Variants in LRRK1 observed in about 807,000 individuals in gnomAD.
The protein encoded by LRRK1 is leucine-rich repeat serine/threonine-protein kinase 1.
A neutral mutation model predicts 209.1 loss-of-function variants in LRRK1; 113 were observed. The observed-to-expected ratio is 0.54, with a 90% CI of 0.46 to 0.63. The LOEUF (loss-of-function observed/expected upper bound fraction) is 0.63, where lower values mean the gene tolerates loss of function less well. Among genes scored for constraint, LRRK1 ranks in the 30% least tolerant of loss-of-function variants. LRRK1 has a pLI of 0.00. For missense variants in LRRK1, 2,284 were observed against 2,632.2 expected, an observed-to-expected ratio of 0.87 and a Z score of 2.89; for synonymous variants, 1,144 against 1,099.7, an observed-to-expected ratio of 1.04 and a Z score of -0.80.
At chr15:100,954,728 G>A (rs776282721) in intron 2 of LRRK1, among the ~76,000 whole-genome samples, 4 of 151,956 alleles carry the variant, frequency 2.6e-5, no homozygotes, top group African/African-American at 4.8e-5. Flanking sequence ...AGTTTTTTTC[G>A]ACACTATTTA....
chr15:101,013,633 AAAG>A (rs2033389058), intron 10 of LRRK1, among the ~76,000 whole-genome samples: 1 of 152,160 alleles, frequency 6.6e-6, no homozygotes, highest in Non-Finnish European at 1.5e-5. Context: ...AAATAAATAA[AAAG>A]AATAACAAAA....
chr15:101,011,687 G>A (rs945313773), intron 9 of LRRK1, among the ~76,000 whole-genome samples: 3 of 152,124 alleles, frequency 2.0e-5, no homozygotes, highest in Non-Finnish European at 4.4e-5. Context: ...GGCCATTCGT[G>A]TAGGGGAAAC....
intron 2 of LRRK1, among the ~76,000 whole-genome samples, chr15:100,972,155 G>T (rs1371701763): frequency 6.6e-6 from 1 of 151,668 alleles, no homozygotes; most frequent in Non-Finnish European, 1.5e-5. Context: ...TAGAGACGGG[G>T]TTTCACCATG....
intron 7 of LRRK1, 67 bp from the exon 8 acceptor site, chr15:101,010,383 A>G (rs2033173334): frequency 1.3e-6 from 2 of 1,548,800 alleles, no homozygotes; most frequent in Non-Finnish European, 8.7e-7. Context: ...TGGTTTATAG[A>G]AAAATATGTA....
chr15:100,989,391 G>A lies in LRRK1; in HGVS notation c.755G>A (p.Gly252Glu). The change falls in exon 6 of 34, where the codon GGA (glycine) becomes GAA (glutamate). Residue 252 changes from glycine (G) to glutamate (E), a missense_variant. Transcript: ENST00000388948. ...EASPLPSSYPGKTALRVKWSH... is the reference protein window; with the variant it reads ...EASPLPSSYPEKTALRVKWSH... ...AGTCCCTTGCCCAGCAGTTATCCGG[G>A]AAAAACAGTGAGTAGTCACTGCCTG... 1 of 1,614,082 alleles carries A rather than the reference G, an allele frequency of 6.2e-7. No homozygotes were observed. The highest frequency in any genetic ancestry group is 8.5e-7 in the Non-Finnish European group (1 of 1,180,024).
chr15:101,015,322 C>A lies in LRRK1; in HGVS notation c.1533-4C>A, dbSNP rs374435312. 1.9e-6 allele frequency: 3 copies of A among 1,613,010 alleles called. No homozygotes were observed. Among genetic ancestry groups the A allele is most frequent in the South Asian group, 2.2e-5 (2 of 90,924 alleles). ...CAAATTTTGTCTCTTTTTCCTCCCCCCAGAAATGAAGATGGACTGAAAACG... is the reference window on the plus strand; with the variant it reads ...CAAATTTTGTCTCTTTTTCCTCCCCACAGAAATGAAGATGGACTGAAAACG... On this transcript the variant is annotated splice_region_variant and splice_polypyrimidine_tract_variant and intron_variant, in intron 11 of 33. Transcript: ENST00000388948.
intron 2 of LRRK1, among the ~76,000 whole-genome samples, chr15:100,972,335 TGAGAGAGA>T (rs747771078): frequency 1.8e-3 from 186 of 106,188 alleles, no homozygotes; most frequent in African/African-American, 4.2e-3. Flanking sequence ...TATATATATA[TGAGAGAGA>T]GAGAGAGAGA....
At chr15:101,030,857 A>T (rs2034249019) in intron 20 of LRRK1, among the ~76,000 whole-genome samples, 1 of 152,038 alleles carries the variant, frequency 6.6e-6, no homozygotes, top group African/African-American at 2.4e-5. Flanking sequence ...GCGCACCATC[A>T]CCCGAACAGT....
chr15:101,026,249 C>T (rs1596292535), intron 17 of LRRK1, 112 bp downstream of exon 17: 1 of 1,135,662 alleles, frequency 8.8e-7, no homozygotes, highest in Non-Finnish European at 1.3e-6. Context: ...AGGCCCCTTT[C>T]CTGGCCAAGG....
chr15:101,017,523 G>A (rs548651413), intron 12 of LRRK1, among the ~76,000 whole-genome samples: 2 of 152,204 alleles, frequency 1.3e-5, no homozygotes, highest in African/African-American at 2.4e-5. Context: ...GTGAGCGGTG[G>A]GCCAGTGAGC....
chr15:101,052,980 C>G lies in LRRK1; in HGVS notation c.3748C>G (p.Gln1250Glu), dbSNP rs1567271146. The G allele has an allele frequency of 1.2e-6, 2 of 1,612,912 alleles. No individual in the cohort carries two copies. The highest frequency in any genetic ancestry group is 2.2e-5 in the East Asian group (1 of 44,840). Reference protein sequence around the residue: ...HSEDEGSVLGQGGSGTVIYRA... With the variant: ...HSEDEGSVLGEGGSGTVIYRA... Reference sequence around the variant, plus strand: ...CGAGGACGAGGGCAGCGTCCTGGGCCAGGGCGGCAGTGGCACCGTCATCTA... The same window carrying G: ...CGAGGACGAGGGCAGCGTCCTGGGCGAGGGCGGCAGTGGCACCGTCATCTA... The change falls in exon 25 of 34, where the codon CAG (glutamine) becomes GAG (glutamate). Residue 1250 changes from glutamine to glutamate, a missense_variant. Gln to Glu is a conservative substitution (Grantham distance 29, BLOSUM62 2). This residue lies in a region of LRRK1 where 780 missense variants were observed against 985.2 expected (regional missense o/e 0.79). Transcript: ENST00000388948.
At position 101,068,905 on chromosome 15, in the gene LRRK1, C is replaced by T. The variant is rs2036676732; in HGVS notation, c.*57C>T. ...TGGCTGGCCCGGGGCTGCAGCCTGA[C>T]CCCTCTGCCATCGGCCTCTAGTTCT... is the stretch of plus-strand genomic sequence containing the variant. On this transcript the variant is annotated 3_prime_UTR_variant, in exon 34 of 34. Transcript: ENST00000388948. 6 of 1,488,192 alleles carry T rather than the reference C, an allele frequency of 4.0e-6. No individual in the cohort carries two copies. Among genetic ancestry groups the T allele is most frequent in the South Asian group, 2.6e-5 (2 of 75,936 alleles). The allele number at this position is 1,488,192 out of a possible 1,614,324, so 92.2% of individuals were successfully genotyped here.
At chr15:100,926,680 C>CTTTTT (rs71151990) in intron 2 of LRRK1, among the ~76,000 whole-genome samples, 24 of 81,830 alleles carry the variant, frequency 2.9e-4, no homozygotes, top group African/African-American at 7.6e-4. Flanking sequence ...TTCTTTTTTT[C>CTTTTT]TTTTTTTTTT....
chr15:100,983,434 C>A, intron 3 of LRRK1, 94 bp from the exon 4 acceptor site: 2 of 1,228,274 alleles, frequency 1.6e-6, no homozygotes, highest in Non-Finnish European at 2.3e-6. Flanking sequence ...CAACTCCAGT[C>A]CTGCTCCGGG....
chr15:101,021,681 C>T lies in LRRK1; in HGVS notation c.1740-164C>T, dbSNP rs2033794413. On this transcript the variant is annotated intron_variant, in intron 13 of 33. Coordinates refer to ENST00000388948, the MANE Select transcript of LRRK1 (RefSeq NM_024652.6). ...GCTGCCGTTTCTATCACTGATCCTC[C>T]AGGAGAAAGCCTTTGGAATTAGTGT... The T allele has an allele frequency of 1.3e-4, 76 of 582,240 alleles. 2 individuals carry two copies. In the South Asian group the frequency reaches 1.6e-3, roughly 13 times the overall value. The allele number at this position is 582,240 out of a possible 1,614,324, so 36.1% of individuals were successfully genotyped here.
chr15:100,922,625 T>A (rs1403755292), intron 1 of LRRK1, among the ~76,000 whole-genome samples: 3 of 152,200 alleles, frequency 2.0e-5, no homozygotes, highest in Non-Finnish European at 4.4e-5. Flanking sequence ...ATCGGAACGT[T>A]TATTTTAAAA....
intron 12 of LRRK1, among the ~76,000 whole-genome samples, chr15:101,018,047 T>G (rs1304421171): frequency 2.0e-5 from 3 of 151,994 alleles, no homozygotes; most frequent in Non-Finnish European, 1.5e-5. Context: ...ATTCAAAAAT[T>G]GTGTTCAGTG....
rs1019991014 is a variant in LRRK1 at position 101,030,860 on chromosome 15, C to T, written c.2963+1628C>T. ...ATGAGATTTCTGGCGCACCATCACC[C>T]GAACAGTATACACTGCACCCTATTT... On this transcript the variant is annotated intron_variant, in intron 20 of 33. Transcript: ENST00000388948. Among the ~76,000 whole-genome samples the T allele has an allele frequency of 6.2e-4, 95 of 152,136 alleles. 1 individual carries two copies. Among genetic ancestry groups the T allele is most frequent in the East Asian group, 1.9e-4 (1 of 5,192 alleles).
Position 101,010,657 on chromosome 15 carries a change from T to A in LRRK1, c.1118-17T>A. 1.1e-4 allele frequency: 1 copy of A among 8,784 alleles called. No homozygotes were observed. Among genetic ancestry groups the A allele is most frequent in the Non-Finnish European group, 1.2e-4 (1 of 8,034 alleles). The allele number at this position is 8,784 out of a possible 1,614,324, so 0.5% of individuals were successfully genotyped here. Reference sequence around the variant, plus strand: ...TTTTTACCAATTCATACTTTGGGTCTTTTTTTTTTTTTTTAGCCACTAACT... The same window carrying A: ...TTTTTACCAATTCATACTTTGGGTCATTTTTTTTTTTTTTAGCCACTAACT... On this transcript the variant is annotated splice_polypyrimidine_tract_variant and intron_variant, in intron 8 of 33. Coordinates refer to ENST00000388948, the MANE Select transcript of LRRK1 (RefSeq NM_024652.6).
Sources: allele counts gnomAD v4.1 joint callset (sites outside exome capture counted in the v4.1 genomes callset), GRCh38; gene constraint gnomAD v4.1.1; regional missense constraint gnomAD v4.1.1; transcripts MANE v1.5; gene names NCBI Gene and HGNC (gene_info 2026-07-23, HGNC 2026-07-21).